Variants in RERE observed in about 807,000 individuals in gnomAD.
RERE encodes arginine-glutamic acid dipeptide repeats, also known as arginine-glutamic acid dipeptide repeats protein.
In RERE, 40 loss-of-function variants were observed where a neutral mutation model predicts 146.1. The observed-to-expected ratio is 0.27, with a 90% CI of 0.21 to 0.36. RERE has a LOEUF of 0.36. RERE is among the 10% of genes least tolerant of loss of function. RERE has a pLI of 1.00. For missense variants in RERE, 1,933 were observed against 2,138.7 expected, an observed-to-expected ratio of 0.90 and a Z score of 1.90; for synonymous variants, 1,003 against 866.0, an observed-to-expected ratio of 1.16 and a Z score of -2.78.
chr1:8,619,588 T>G (rs1350997705), intron 3 of RERE, among the ~76,000 whole-genome samples: 1 of 152,192 alleles, frequency 6.6e-6, no homozygotes, highest in Non-Finnish European at 1.5e-5. Flanking sequence ...CTTACTTATC[T>G]GTGAATAAAG....
At chr1:8,732,808 C>CTTTTTTTTTTT (rs59337140) in intron 1 of RERE, among the ~76,000 whole-genome samples, 8 of 65,730 alleles carry the variant, frequency 1.2e-4, no homozygotes, top group African/African-American at 3.3e-4. Context: ...TTCAATTTTT[C>CTTTTTTTTTTT]TTTTTTTTTT....
At chr1:8,478,661 C>A (rs1644792418) in intron 10 of RERE, among the ~76,000 whole-genome samples, 1 of 152,156 alleles carries the variant, frequency 6.6e-6, no homozygotes, top group Non-Finnish European at 1.5e-5. Flanking sequence ...CTGGGCAGGG[C>A]TGTGGAACTG....
intron 6 of RERE, among the ~76,000 whole-genome samples, chr1:8,553,914 A>G (rs796787369): frequency 2.0e-5 from 3 of 152,364 alleles, no homozygotes; most frequent in African/African-American, 7.2e-5. Flanking sequence ...GTGGTGGCTC[A>G]TGCCTGTAAT....
chr1:8,584,979 T>C (rs1393698665), intron 4 of RERE, among the ~76,000 whole-genome samples: 3 of 151,904 alleles, frequency 2.0e-5, no homozygotes, highest in Non-Finnish European at 4.4e-5. Context: ...AAACCCCGTC[T>C]CTACTCAAAG....
At chr1:8,693,089 A>C (rs1477960977) in intron 1 of RERE, among the ~76,000 whole-genome samples, 2 of 152,226 alleles carry the variant, frequency 1.3e-5, no homozygotes, top group Non-Finnish European at 2.9e-5. Flanking sequence ...TACACTGACA[A>C]CACCAAATGG....
chr1:8,702,298 G>A (rs7554486), intron 1 of RERE, among the ~76,000 whole-genome samples: 88,203 of 151,948 alleles, frequency 0.58, 26,248 homozygotes, highest in East Asian at 0.84. Context: ...AGAGCGCGGG[G>A]CACATGTGCG....
At chr1:8,795,063 T>C (rs764044499) in intron 1 of RERE, among the ~76,000 whole-genome samples, 1 of 152,222 alleles carries the variant, frequency 6.6e-6, no homozygotes, top group Non-Finnish European at 1.5e-5. Context: ...AGTCTTGCTC[T>C]GTCGCTCAGG....
chr1:8,748,033 C>T (rs1235942583), intron 1 of RERE, among the ~76,000 whole-genome samples: 2 of 152,290 alleles, frequency 1.3e-5, no homozygotes, highest in African/African-American at 4.8e-5. Context: ...CCACCTCAGC[C>T]TCCCAAAGTG....
At chr1:8,674,629 C>T (rs556760332) in intron 1 of RERE, among the ~76,000 whole-genome samples, 2 of 152,272 alleles carry the variant, frequency 1.3e-5, no homozygotes, top group East Asian at 3.9e-4. Flanking sequence ...AGAGCAACTG[C>T]TAGATTAAAT....
chr1:8,509,950 G>A (rs1252115023), intron 7 of RERE, among the ~76,000 whole-genome samples: 2 of 152,192 alleles, frequency 1.3e-5, no homozygotes, highest in African/African-American at 4.8e-5. Flanking sequence ...GGGCACCTGG[G>A]CCCAGTACTT....
Position 8,363,980 on chromosome 1 carries a change from CT to C in RERE, c.1740+75del, listed in dbSNP as rs757442035. 72 of 1,382,070 alleles carry C rather than the reference CT, an allele frequency of 5.2e-5. No homozygotes were observed. The East Asian group carries it at 1.6e-3, about 31-fold the overall frequency. The allele number at this position is 1,382,070 out of a possible 1,614,324, so 85.6% of individuals were successfully genotyped here. A position where few individuals can be genotyped will look rare whatever the true frequency, so the allele number is the denominator to read the frequency against. On this transcript the variant is annotated intron_variant, in intron 15 of 22. Coordinates refer to ENST00000400908, the MANE Select transcript of RERE (RefSeq NM_001042681.2). ...TAAACAAGACTTTCGCTTCCTCCCC[CT>C]GGGAGGCTCAAGCCCCCACACATCC...
chr1:8,386,022 A>ATATTT (rs1186333936), intron 12 of RERE, among the ~76,000 whole-genome samples: 4 of 26,636 alleles, frequency 1.5e-4, no homozygotes, highest in African/African-American at 4.7e-4. Context: ...ATATATATAT[A>ATATTT]TTTTTTTTTT....
At chr1:8,536,985 T>G (rs1026657478) in intron 7 of RERE, among the ~76,000 whole-genome samples, 6 of 152,090 alleles carry the variant, frequency 3.9e-5, no homozygotes, top group African/African-American at 1.4e-4. Context: ...GGAGGATCGC[T>G]GAAGCCCAGG....
At chr1:8,540,183 C>T (rs1570411268) in intron 7 of RERE, among the ~76,000 whole-genome samples, 1 of 152,230 alleles carries the variant, frequency 6.6e-6, no homozygotes, top group Non-Finnish European at 1.5e-5. Flanking sequence ...ACAGCCTTGA[C>T]TTCCCAGGCT....
Position 8,355,594 on chromosome 1 carries a change from G to C in RERE, c.4492C>G (p.Pro1498Ala). Residue 1498 changes from proline to alanine, a missense_variant, in exon 22 of 23, where the codon CCC (proline) becomes GCC (alanine). This residue lies in a region of RERE where 133 missense variants were observed against 168.6 expected (regional missense o/e 0.79). Coordinates refer to ENST00000400908, the MANE Select transcript of RERE (RefSeq NM_001042681.2). The stretch of plus-strand genomic sequence containing the variant: ...GCCCCAGGCAGGTCACGGGGGTAGG[G>C]GGTGCCTGCCGAACACAAAACAACC... ...EMLRHPVFGTPYPRDLPGAIP... is the reference protein window; with the variant it reads ...EMLRHPVFGTAYPRDLPGAIP... 1 of 1,575,230 alleles carries C rather than the reference G, an allele frequency of 6.3e-7. No individual in the cohort carries two copies. Among genetic ancestry groups the C allele is most frequent in the Non-Finnish European group, 8.6e-7 (1 of 1,157,590 alleles).
chr1:8,372,646 AAC>A (rs1642085413), intron 12 of RERE, among the ~76,000 whole-genome samples: 1 of 152,192 alleles, frequency 6.6e-6, no homozygotes, highest in South Asian at 2.1e-4. Flanking sequence ...CCACTGTCAC[AAC>A]ACAGTTTTAC....
At chr1:8,529,481 T>C (rs1395722608) in intron 7 of RERE, among the ~76,000 whole-genome samples, 1 of 123,622 alleles carries the variant, frequency 8.1e-6, no homozygotes, top group East Asian at 2.4e-4. Context: ...TTTTTTTTTT[T>C]AGCAGAGACA....
rs144221934 is a variant in RERE at position 8,359,400 on chromosome 1, G to A, written c.3618+364C>T. ...GCCCCTCGCAGCCTGCTTATCGCCT[G>A]AGTGCTCAGGTCTTCTCTCAAGGCG... On this transcript the variant is annotated intron_variant, in intron 19 of 22. Coordinates refer to ENST00000400908, the MANE Select transcript of RERE (RefSeq NM_001042681.2). 2.3e-3 allele frequency among the ~76,000 whole-genome samples: 355 copies of A among 152,342 alleles called. 1 individual carries two copies. The highest frequency in any genetic ancestry group is 4.7e-3 in the Admixed American group (72 of 15,310).
intron 11 of RERE, among the ~76,000 whole-genome samples, chr1:8,456,584 C>G (rs1007911665): frequency 1.3e-5 from 2 of 152,154 alleles, no homozygotes; most frequent in Non-Finnish European, 2.9e-5. Flanking sequence ...GAACAGCCCT[C>G]AAGAATTCCT....
Sources: allele counts gnomAD v4.1 joint callset (sites outside exome capture counted in the v4.1 genomes callset), GRCh38; gene constraint gnomAD v4.1.1; regional missense constraint gnomAD v4.1.1; transcripts MANE v1.5; gene names NCBI Gene and HGNC (gene_info 2026-07-23, HGNC 2026-07-21).